The following SLC5A9 variants were observed in gnomAD, a reference collection of about 807,000 sequenced individuals.
The protein encoded by SLC5A9 is solute carrier family 5 member 9, also known as sodium/glucose cotransporter 4.
SLC5A9 carries 59 observed loss-of-function variants against 70.9 expected under a neutral mutation model. That is an observed-to-expected ratio of 0.83 (90% CI 0.68 to 1.03). The LOEUF (loss-of-function observed/expected upper bound fraction) is 1.03. Among genes scored for constraint, SLC5A9 ranks in the 50% least tolerant of loss-of-function variants. The pLI, the probability that SLC5A9 is intolerant of heterozygous loss-of-function variation, is 0.00. For synonymous variants in SLC5A9, 340 were observed against 346.5 expected (o/e 0.98, Z 0.21); for missense variants, 832 against 881.1 (o/e 0.94, Z 0.71).
intron 10 of SLC5A9, among the ~76,000 whole-genome samples, chr1:48,237,361 T>TGGGGGGGGGG (rs71853018): frequency 3.1e-5 from 3 of 95,574 alleles, no homozygotes; most frequent in Non-Finnish European, 6.0e-5. Flanking sequence ...TTGACTGGGG[T>TGGGGGGGGGG]GGGGGGTGGG....
At chr1:48,227,568 G>C (rs1409554529) in intron 2 of SLC5A9, among the ~76,000 whole-genome samples, 1 of 148,338 alleles carries the variant, frequency 6.7e-6, no homozygotes, top group Non-Finnish European at 1.5e-5. Context: ...ATGTGTGTCA[G>C]AGTGTGTGTG....
At chr1:48,243,228 T>A (rs1267293329) in intron 13 of SLC5A9, among the ~76,000 whole-genome samples, 26 of 152,150 alleles carry the variant, frequency 1.7e-4, no homozygotes, top group Admixed American at 1.6e-3. Context: ...CTGCCTATAG[T>A]AATACAGAAG....
chr1:48,227,728 T>C (rs1210744070), intron 2 of SLC5A9, among the ~76,000 whole-genome samples: 2 of 152,182 alleles, frequency 1.3e-5, no homozygotes, highest in African/African-American at 4.8e-5. Context: ...ATGTCAGGCC[T>C]GTTCCTCATT....
At chr1:48,226,762 G>C (rs148929511) in intron 2 of SLC5A9, among the ~76,000 whole-genome samples, 1 of 152,182 alleles carries the variant, frequency 6.6e-6, no homozygotes, top group African/African-American at 2.4e-5. Flanking sequence ...CCTGGGTTAG[G>C]AGCAGGAGAA....
At chr1:48,232,207 AG>A (rs896086152) in intron 7 of SLC5A9, 56 bp downstream of exon 7, 2 of 1,573,376 alleles carry the variant, frequency 1.3e-6, no homozygotes, top group African/African-American at 2.7e-5. Flanking sequence ...GGCTTCCTGC[AG>A]AAAAACCCAG....
intron 10 of SLC5A9, 24 bp downstream of exon 10, chr1:48,235,903 CTTCCG>C: frequency 6.2e-7 from 1 of 1,613,876 alleles, no homozygotes; most frequent in Non-Finnish European, 8.5e-7. Flanking sequence ...TCCTTCCCTC[CTTCCG>C]AAGTGCCCTC....
At chr1:48,241,838 C>G in intron 12 of SLC5A9, 1 of 438,174 alleles carries the variant, frequency 2.3e-6, no homozygotes, top group East Asian at 7.0e-5. Flanking sequence ...GTCTGGTCAC[C>G]CAAGGCAGGA....
rs146650744 is a variant in SLC5A9, at chr1:48,233,158, C to T, written c.1034-497C>T. ...TGGGCGAATCATGAGGTCAGGAGTT[C>T]GAGACCAGCCTAACCAACATGGTAA... On this transcript the variant is annotated intron_variant, in intron 8 of 13. Transcript: ENST00000438567. Among the ~76,000 whole-genome samples, 740 of 151,842 alleles carry T rather than the reference C, an allele frequency of 4.9e-3. 7 individuals are homozygous for T. The highest frequency in any genetic ancestry group is 0.017 in the African/African-American group (698 of 41,458).
intron 9 of SLC5A9, among the ~76,000 whole-genome samples, chr1:48,235,367 G>A (rs1034132970): frequency 3.9e-5 from 6 of 152,168 alleles, no homozygotes; most frequent in African/African-American, 1.2e-4. Context: ...CTAACCAAGT[G>A]TCTACAAGCT....
In SLC5A9 at chr1:48,229,395, G is replaced by A. The variant is rs771048498; in HGVS notation, c.440G>A (p.Gly147Asp). The change falls in exon 4 of 14, where the codon GGC (glycine) becomes GAC (aspartate). Residue 147 changes from glycine to aspartate, a missense_variant. Coordinates refer to ENST00000438567, the MANE Select transcript of SLC5A9 (RefSeq NM_001011547.3). The part of the protein sequence containing the change: ...MPQYLKKRFG[G>D]QRIQVYMSVL... ...CAGTATCTGAAGAAGCGATTTGGGG[G>A]CCAGAGGATCCAGGTGTACATGTCT... 2.5e-5 allele frequency: 40 copies of A among 1,614,016 alleles called. No individual in the cohort carries two copies. Among genetic ancestry groups the A allele is most frequent in the Non-Finnish European group, 3.1e-5 (36 of 1,180,042 alleles).
intron 1 of SLC5A9, among the ~76,000 whole-genome samples, chr1:48,224,461 C>A (rs1202170608): frequency 6.6e-6 from 1 of 152,210 alleles, no homozygotes; most frequent in Non-Finnish European, 1.5e-5. Context: ...TCAATGGCTT[C>A]ACACACGTGA....
intron 13 of SLC5A9, among the ~76,000 whole-genome samples, chr1:48,246,898 G>A (rs1644465737): frequency 6.6e-6 from 1 of 152,254 alleles, no homozygotes; most frequent in Non-Finnish European, 1.5e-5. Context: ...TTTCTGGCTT[G>A]CAGCCCAGTG....
rs764001021 is a variant in SLC5A9, at chr1:48,247,212, C to T, written c.1838-123C>T. 253 of 875,044 alleles carry T rather than the reference C, an allele frequency of 2.9e-4. 2 individuals are homozygous for T. Among genetic ancestry groups the T allele is most frequent in the Non-Finnish European group, 6.8e-5 (38 of 555,856 alleles). 54.2% of individuals were successfully genotyped at this position (875,044 alleles called of 1,614,324 possible). On this transcript the variant is annotated intron_variant, in intron 13 of 13. Coordinates refer to ENST00000438567, the MANE Select transcript of SLC5A9 (RefSeq NM_001011547.3). ...CCCTCCCCAGTTTCTGTGCACCCCC[C>T]ATACTTTCCATCAGTATCTCACCAT...
At chr1:48,241,515 T>A (rs1341697312) in intron 12 of SLC5A9, among the ~76,000 whole-genome samples, 2 of 151,924 alleles carry the variant, frequency 1.3e-5, no homozygotes, top group African/African-American at 4.8e-5. Context: ...CAGTGGTGAG[T>A]CCAACATCAC....
intron 7 of SLC5A9, 100 bp from the exon 8 acceptor site, chr1:48,232,267 C>A (rs1644260120): frequency 2.7e-5 from 42 of 1,557,884 alleles, no homozygotes; most frequent in Non-Finnish European, 3.5e-5. Context: ...TGTGACTGGA[C>A]TGGAGTAGGG....
intron 13 of SLC5A9, among the ~76,000 whole-genome samples, chr1:48,245,393 C>G (rs2148591634): frequency 6.6e-6 from 1 of 152,168 alleles, no homozygotes; most frequent in East Asian, 1.9e-4. Flanking sequence ...CCTGGAGAAG[C>G]CAAGAGAAAT....
In SLC5A9 at chr1:48,237,786, T is replaced by C. The variant is rs772737919; in HGVS notation, c.1400T>C (p.Leu467Pro). ...TACATCCAGGCTGTCACCAGTTACC[T>C]GGCCCCACCCATCACCGCTCTCTTC... ...FDYIQAVTSYLAPPITALFLL... is the reference protein window; with the variant it reads ...FDYIQAVTSYPAPPITALFLL... The change falls in exon 11 of 14, where the codon CTG becomes CCG. Residue 467 changes from leucine (L) to proline (P), a missense_variant. Physicochemically the swap from Leu to Pro is moderately conservative, Grantham distance 98. Coordinates refer to ENST00000438567, the MANE Select transcript of SLC5A9 (RefSeq NM_001011547.3). 6.2e-7 allele frequency: 1 copy of C among 1,614,124 alleles called. No individual in the cohort carries two copies.
At chr1:48,241,919 T>A (rs1344919551) in intron 12 of SLC5A9, 2 of 456,132 alleles carry the variant, frequency 4.4e-6, no homozygotes, top group Non-Finnish European at 8.8e-6. Context: ...TGTCCTGATT[T>A]CACCTCCTTT....
intron 6 of SLC5A9, 72 bp from the exon 7 acceptor site, chr1:48,231,874 G>T: frequency 6.3e-7 from 1 of 1,597,158 alleles, no homozygotes; most frequent in Non-Finnish European, 8.5e-7. Flanking sequence ...CCCACATGAG[G>T]CTGGGGCTGG....
Sources: gnomAD v4.1 joint callset for allele counts (sites outside exome capture counted in the v4.1 genomes callset) on GRCh38, gnomAD v4.1.1 for gene constraint, MANE v1.5 for transcripts, NCBI Gene and HGNC (gene_info 2026-07-23, HGNC 2026-07-21) for gene names.